The following SBNO1 variants were observed in gnomAD, a reference collection of about 807,000 sequenced individuals.
SBNO1 encodes protein strawberry notch homolog 1.
A neutral mutation model predicts 173.6 loss-of-function variants in SBNO1; 23 were observed. That is an observed-to-expected ratio of 0.13 (90% confidence interval 0.10 to 0.19). SBNO1 has a LOEUF of 0.19. Ranked by LOEUF, SBNO1 falls within the 10% of genes least tolerant of loss-of-function variation. The probability of loss-of-function intolerance (pLI) is 1.00; values close to 1 mark genes in which losing one functional copy is unlikely to be tolerated. For synonymous variants in SBNO1, 632 were observed against 571.5 expected, an observed-to-expected ratio of 1.11 and a Z score of -1.51; for missense variants, 1,238 against 1,671.2, an observed-to-expected ratio of 0.74 and a Z score of 4.52.
chr12:123,350,333 T>C lies in SBNO1; in HGVS notation c.109A>G (p.Met37Val), dbSNP rs768256764. ...DGGDAGLATP[M>V]PTPSVQQSVP... ...ACCTGCTGAACTGACGGGGTAGGCA[T>C]TGGAGTTGCAAGCCCTGCATCTCCA... The change falls in exon 2 of 32, where the codon ATG (methionine) becomes GTG (valine). Residue 37 changes from methionine (M) to valine (V), a missense_variant. Transcript: ENST00000602398. 9 of 1,613,960 alleles carry C rather than the reference T, an allele frequency of 5.6e-6. No individual in the cohort carries two copies. Among genetic ancestry groups the C allele is most frequent in the African/African-American group, 1.3e-5 (1 of 74,902 alleles).
At position 123,320,443 on chromosome 12, in the gene SBNO1, T is replaced by C; in HGVS notation, c.2656A>G (p.Asn886Asp). The change falls in exon 19 of 32, where the codon AAC becomes GAC. Residue 886 changes from asparagine (N) to aspartate (D), a missense_variant. Around this residue, in one of 14 missense-constraint regions of SBNO1, gnomAD observed 45 missense variants for 85.5 expected, o/e 0.53. Coordinates refer to ENST00000602398, the MANE Select transcript of SBNO1 (RefSeq NM_001167856.3). ...ACAGGCCTATTTACCTCAGCAACGT[T>C]CTCAGGGCCACCAAGTTCATCGATA... is the stretch of plus-strand genomic sequence containing the variant. ...ELIDELGGPE[N>D]VAEMTGRKGR... The C allele has an allele frequency of 6.2e-7, 1 of 1,613,314 alleles. No individual in the cohort carries two copies. Among genetic ancestry groups the C allele is most frequent in the Non-Finnish European group, 8.5e-7 (1 of 1,179,634 alleles).
At chr12:123,359,519 C>T (rs918644244) in intron 1 of SBNO1, among the ~76,000 whole-genome samples, 4 of 145,198 alleles carry the variant, frequency 2.8e-5, no homozygotes, top group Non-Finnish European at 4.5e-5. Flanking sequence ...CGCACTCGTG[C>T]ACTCCAGACT....
At chr12:123,299,994 TAG>T (rs2048732460) in intron 30 of SBNO1, among the ~76,000 whole-genome samples, 2 of 151,940 alleles carry the variant, frequency 1.3e-5, no homozygotes, top group South Asian at 4.1e-4. Context: ...CTCAGCAATC[TAG>T]AGAGATGGAA....
intron 1 of SBNO1, among the ~76,000 whole-genome samples, chr12:123,358,739 T>C (rs1290853818): frequency 1.2e-4 from 4 of 33,150 alleles, no homozygotes; most frequent in African/African-American, 6.2e-4. Context: ...CAAGACTCCG[T>C]CTCAAAAAAA....
chr12:123,306,189 G>A (rs2048909120), intron 28 of SBNO1, among the ~76,000 whole-genome samples: 2 of 152,286 alleles, frequency 1.3e-5, no homozygotes, highest in South Asian at 4.1e-4. Context: ...TCAGCTGACA[G>A]GAAATATCCA....
intron 6 of SBNO1, among the ~76,000 whole-genome samples, chr12:123,335,957 C>T (rs530979200): frequency 1.3e-5 from 2 of 152,130 alleles, no homozygotes; most frequent in African/African-American, 4.8e-5. Flanking sequence ...GAAACCAAGA[C>T]TACATGAAAG....
intron 4 of SBNO1, among the ~76,000 whole-genome samples, chr12:123,341,858 T>C (rs1419185460): frequency 6.6e-6 from 1 of 151,152 alleles, no homozygotes; most frequent in Non-Finnish European, 1.5e-5. Context: ...AGCACAGGCA[T>C]GAAAACATGT....
intron 29 of SBNO1, among the ~76,000 whole-genome samples, chr12:123,303,518 A>G (rs1275344487): frequency 1.4e-5 from 2 of 143,026 alleles, no homozygotes; most frequent in Admixed American, 7.0e-5. Flanking sequence ...GGTGTGTGGC[A>G]CATGCCTATA....
chr12:123,312,481 G>A (rs1373972598), intron 24 of SBNO1, among the ~76,000 whole-genome samples: 1 of 152,112 alleles, frequency 6.6e-6, no homozygotes, highest in African/African-American at 2.4e-5. Context: ...GGAGGTTGAG[G>A]TGGGAGGATC....
intron 20 of SBNO1, 71 bp from the exon 21 acceptor site, chr12:123,317,427 C>A: frequency 7.3e-7 from 1 of 1,369,846 alleles, no homozygotes; most frequent in South Asian, 1.2e-5. Flanking sequence ...TAAATGAAGT[C>A]CTTCAGCAGA....
chr12:123,336,712 T>C (rs1467425505), intron 5 of SBNO1, among the ~76,000 whole-genome samples: 3 of 152,302 alleles, frequency 2.0e-5, no homozygotes, highest in East Asian at 3.9e-4. Context: ...TACCCACAAA[T>C]GGGTCACAAG....
intron 29 of SBNO1, 109 bp from the exon 30 acceptor site, chr12:123,303,009 A>T (rs543502891): frequency 4.9e-6 from 4 of 808,162 alleles, no homozygotes; most frequent in Non-Finnish European, 8.4e-6. Flanking sequence ...ATCTCTACAC[A>T]AAAAGCCTAA....
chr12:123,309,889 AATG>A (rs2049010870), intron 25 of SBNO1, 33 bp from the exon 26 acceptor site: 4 of 1,513,344 alleles, frequency 2.6e-6, no homozygotes, highest in African/African-American at 1.4e-5. Context: ...TTTTCATGCA[AATG>A]ATAATTAAAA....
chr12:123,322,838 C>T (rs887045528), intron 16 of SBNO1, among the ~76,000 whole-genome samples: 3 of 151,206 alleles, frequency 2.0e-5, no homozygotes, highest in African/African-American at 7.3e-5. Flanking sequence ...CAAGATGGTA[C>T]CACTGCACTC....
chr12:123,350,860 G>GCAGTGGCCCACA (rs11270010), intron 1 of SBNO1, among the ~76,000 whole-genome samples: 144,886 of 152,198 alleles, frequency 0.95, 69,091 homozygotes, highest in Non-Finnish European at 0.96. Flanking sequence ...GAGGCCAGAT[G>GCAGTGGCCCACA]CCTGTAATCC....
Position 123,328,856 on chromosome 12 carries a change from C to A in SBNO1, c.1174G>T (p.Val392Leu). ...GKISSKHNGS[V>L]KKGVIFATYS... Reference sequence around the variant, plus strand: ...GTAGCAAAAATAACACCCTTTTTCACACTCCCATTATGTTTGGAAGAAATT... The same window carrying A: ...GTAGCAAAAATAACACCCTTTTTCAAACTCCCATTATGTTTGGAAGAAATT... The change falls in exon 10 of 32, where the codon GTG becomes TTG. Residue 392 changes from valine to leucine, a missense_variant. Coordinates refer to ENST00000602398, the MANE Select transcript of SBNO1 (RefSeq NM_001167856.3). 1 of 1,603,290 alleles carries A rather than the reference C, an allele frequency of 6.2e-7. No homozygotes were observed. The highest frequency in any genetic ancestry group is 1.1e-5 in the South Asian group (1 of 89,698).
intron 4 of SBNO1, among the ~76,000 whole-genome samples, chr12:123,343,234 C>G (rs1444366590): frequency 6.6e-6 from 1 of 151,384 alleles, no homozygotes; most frequent in Admixed American, 6.6e-5. Flanking sequence ...CTTCGTCTCA[C>G]AAAAAAATAA....
rs554079140 is a variant in SBNO1, at chr12:123,321,536, A to G, written c.2322T>C (p.Asn774=). 8 of 1,606,816 alleles carry G rather than the reference A, an allele frequency of 5.0e-6. No individual in the cohort carries two copies. Among genetic ancestry groups the G allele is most frequent in the Non-Finnish European group, 6.8e-6 (8 of 1,173,498 alleles). ...GTATATTTAATATACTGAACTTACC[A>G]TTTTCATCATCCTCATTAGACTCAT... ...FLDESNEDDE[N]DPWLIRKDHK... Residue 774 remains asparagine, a splice_region_variant and synonymous_variant, in exon 17 of 32, where the codon AAT becomes AAC. Coordinates refer to ENST00000602398, the MANE Select transcript of SBNO1 (RefSeq NM_001167856.3).
chr12:123,337,109 C>T (rs143939519), intron 5 of SBNO1, among the ~76,000 whole-genome samples: 8 of 152,268 alleles, frequency 5.3e-5, no homozygotes, highest in South Asian at 4.1e-4. Flanking sequence ...CAGATGCAAT[C>T]GTGATCATAT....
Sources: allele counts gnomAD v4.1 joint callset (sites outside exome capture counted in the v4.1 genomes callset), GRCh38; gene constraint gnomAD v4.1.1; regional missense constraint gnomAD v4.1.1; transcripts MANE v1.5; gene names NCBI Gene and HGNC (gene_info 2026-07-23, HGNC 2026-07-21).